ZNRF3: variants seen among roughly 807,000 people sequenced by gnomAD.
ZNRF3 encodes zinc and ring finger 3.
ZNRF3 carries 23 observed loss-of-function variants against 72.5 expected under a neutral mutation model. That is an observed-to-expected ratio of 0.32 (90% CI 0.23 to 0.45). The LOEUF is 0.45. Ranked by LOEUF, ZNRF3 falls within the 20% of genes least tolerant of loss-of-function variation. The probability of loss-of-function intolerance (pLI) is 1.00; values close to 1 mark genes in which losing one functional copy is unlikely to be tolerated. For missense variants in ZNRF3, 1,169 were observed against 1,272.1 expected (o/e 0.92, Z 1.23); for synonymous variants, 610 against 545.3 (o/e 1.12, Z -1.65).
At chr22:29,009,831 T>C (rs962925579) in intron 2 of ZNRF3, among the ~76,000 whole-genome samples, 1 of 151,976 alleles carries the variant, frequency 6.6e-6, no homozygotes, top group African/African-American at 2.4e-5. Context: ...AGTGTACGAG[T>C]TCAGTGGCAT....
intron 1 of ZNRF3, among the ~76,000 whole-genome samples, chr22:28,950,899 T>A (rs1322745348): frequency 1.3e-5 from 2 of 152,226 alleles, no homozygotes; most frequent in African/African-American, 2.4e-5. Context: ...CTTTTATATC[T>A]TGCCAAACTC....
chr22:28,964,305 C>T (rs543777955), intron 1 of ZNRF3, among the ~76,000 whole-genome samples: 2 of 152,240 alleles, frequency 1.3e-5, no homozygotes, highest in East Asian at 1.9e-4. Flanking sequence ...GGTCTCTATC[C>T]TCAAAGGTCT....
At chr22:29,002,460 T>C (rs1439700562) in intron 2 of ZNRF3, among the ~76,000 whole-genome samples, 2 of 152,192 alleles carry the variant, frequency 1.3e-5, no homozygotes, top group Non-Finnish European at 2.9e-5. Flanking sequence ...GTAGAAAGGA[T>C]GTAGGCAAGT....
intron 2 of ZNRF3, among the ~76,000 whole-genome samples, chr22:29,010,378 G>A (rs912854034): frequency 6.6e-6 from 1 of 151,972 alleles, no homozygotes; most frequent in Non-Finnish European, 1.5e-5. Context: ...CTTCTTTCAC[G>A]TGGCATAATG....
chr22:29,050,393 C>T lies in ZNRF3; in HGVS notation c.2212C>T (p.His738Tyr). 2 of 1,605,242 alleles carry T rather than the reference C, an allele frequency of 1.2e-6. No individual in the cohort carries two copies. The highest frequency in any genetic ancestry group is 2.2e-5 in the South Asian group (2 of 90,760). ...AGSSTLFLGP[H>Y]LYEGSGPAGG... The stretch of plus-strand genomic sequence containing the variant: ...CAGCAGCACCTTGTTCCTGGGGCCC[C>T]ACCTCTACGAGGGCTCTGGCCCGGC... The change falls in exon 8 of 9, where the codon CAC becomes TAC. Residue 738 changes from histidine (H) to tyrosine (Y), a missense_variant. His to Tyr is a moderately conservative substitution (Grantham distance 83, BLOSUM62 2). Coordinates refer to ENST00000544604, the MANE Select transcript of ZNRF3 (RefSeq NM_001206998.2).
chr22:28,884,622 G>A (rs556103807), intron 1 of ZNRF3, among the ~76,000 whole-genome samples: 1 of 152,288 alleles, frequency 6.6e-6, no homozygotes, highest in East Asian at 1.9e-4. Context: ...GGGAGGAGGC[G>A]GAGCTGGTCG....
intron 1 of ZNRF3, among the ~76,000 whole-genome samples, chr22:28,918,945 A>C (rs985744808): frequency 3.9e-5 from 6 of 152,228 alleles, no homozygotes; most frequent in African/African-American, 1.4e-4. Flanking sequence ...ACCTTGAGAA[A>C]GTGCAAGACA....
At chr22:28,939,805 G>A (rs1359299796) in intron 1 of ZNRF3, among the ~76,000 whole-genome samples, 1 of 152,090 alleles carries the variant, frequency 6.6e-6, no homozygotes, top group Non-Finnish European at 1.5e-5. Flanking sequence ...GAGCTTACAT[G>A]TTATGGTTTT....
At chr22:28,951,789 G>A (rs774446799) in intron 1 of ZNRF3, among the ~76,000 whole-genome samples, 17 of 152,188 alleles carry the variant, frequency 1.1e-4, no homozygotes, top group Non-Finnish European at 2.2e-4. Flanking sequence ...TTCCTCCTCA[G>A]AGCAGTGCTC....
At chr22:28,887,199 C>T (rs979604822) in intron 1 of ZNRF3, among the ~76,000 whole-genome samples, 1 of 150,538 alleles carries the variant, frequency 6.6e-6, no homozygotes, top group Non-Finnish European at 1.5e-5. Flanking sequence ...TTTTAACCCC[C>T]CTCCTTATTA....
intron 1 of ZNRF3, among the ~76,000 whole-genome samples, chr22:28,928,490 C>CTTT (rs10710766): frequency 3.4e-4 from 27 of 80,594 alleles, no homozygotes; most frequent in African/African-American, 5.7e-4. Context: ...CCAGAAATGT[C>CTTT]TTTTTTTTTT....
chr22:28,903,480 A>C (rs1350863940), intron 1 of ZNRF3, among the ~76,000 whole-genome samples: 1 of 152,196 alleles, frequency 6.6e-6, no homozygotes, highest in African/African-American at 2.4e-5. Context: ...ATTTTTGCCA[A>C]AGCAAATACT....
intron 2 of ZNRF3, among the ~76,000 whole-genome samples, chr22:29,003,664 A>T (rs1342451790): frequency 2.6e-5 from 4 of 151,814 alleles, no homozygotes; most frequent in Non-Finnish European, 5.9e-5. Context: ...ACATAGTGAG[A>T]CCCTGTCTCT....
chr22:28,932,164 A>C (rs1259287303), intron 1 of ZNRF3, among the ~76,000 whole-genome samples: 1 of 152,194 alleles, frequency 6.6e-6, no homozygotes, highest in East Asian at 1.9e-4. Flanking sequence ...TTTGTAACCA[A>C]GGTTGAAAGG....
chr22:28,900,728 A>G (rs953304574), intron 1 of ZNRF3, among the ~76,000 whole-genome samples: 5 of 152,196 alleles, frequency 3.3e-5, no homozygotes, highest in Admixed American at 2.0e-4. Context: ...AGGCAGTCCA[A>G]TGATTTAATC....
intron 2 of ZNRF3, among the ~76,000 whole-genome samples, chr22:29,033,254 G>A (rs1413345703): frequency 1.3e-5 from 2 of 151,012 alleles, no homozygotes; most frequent in East Asian, 1.9e-4. Context: ...GGGAGGCTAA[G>A]GCAGGATAAT....
intron 2 of ZNRF3, among the ~76,000 whole-genome samples, chr22:29,024,436 C>T (rs996986148): frequency 1.2e-4 from 18 of 152,012 alleles, no homozygotes; most frequent in African/African-American, 2.7e-4. Flanking sequence ...TGAGGGTTCC[C>T]AGGCAGCGTG....
intron 1 of ZNRF3, among the ~76,000 whole-genome samples, chr22:28,898,703 A>G (rs2034046253): frequency 6.6e-6 from 1 of 152,182 alleles, no homozygotes; most frequent in Admixed American, 6.5e-5. Context: ...TTCCCTTTGG[A>G]AGCTCTGGCA....
chr22:28,963,666 G>A (rs1406510335), intron 1 of ZNRF3, among the ~76,000 whole-genome samples: 1 of 152,124 alleles, frequency 6.6e-6, no homozygotes, highest in Non-Finnish European at 1.5e-5. Context: ...GCTGTGCTTT[G>A]GGCTCCTTGG....
Sources: gnomAD v4.1 joint callset for allele counts (sites outside exome capture counted in the v4.1 genomes callset) on GRCh38, gnomAD v4.1.1 for gene constraint, MANE v1.5 for transcripts, NCBI Gene and HGNC (gene_info 2026-07-23, HGNC 2026-07-21) for gene names.